Variants in USP6NL observed in about 807,000 individuals in gnomAD.
USP6NL encodes the protein USP6 N-terminal like.
Under a neutral mutation model 61.9 loss-of-function variants are expected in USP6NL, and 26 were observed. That is an observed-to-expected ratio of 0.42 (90% CI 0.31 to 0.58). The LOEUF (loss-of-function observed/expected upper bound fraction) is 0.58, where lower values mean the gene tolerates loss of function less well. Among genes scored for constraint, USP6NL ranks in the 20% least tolerant of loss-of-function variants. USP6NL has a pLI of 0.16. For synonymous variants in USP6NL, 432 were observed against 390.1 expected (o/e 1.11, Z -1.27); for missense variants, 1,114 against 1,034.3 (o/e 1.08, Z -1.06).
At position 11,463,019 on chromosome 10, in the gene USP6NL, C is replaced by CG; in HGVS notation, c.1908dup (p.Val637ArgfsTer23). ...TGTTTGGGAGAGTTTCCGTGGTAAACGGGGGGATTGCTGTAGGAGGGGGGA... is the reference window on the plus strand; with the variant it reads ...TGTTTGGGAGAGTTTCCGTGGTAAACGGGGGGGATTGCTGTAGGAGGGGGGA... On this transcript the variant is annotated frameshift_variant, in exon 15 of 15. Coordinates refer to ENST00000609104, the MANE Select transcript of USP6NL (RefSeq NM_014688.5). LOFTEE classifies it low-confidence loss of function (END_TRUNC). The surrounding 1 kb of genome is among the most constrained non-coding windows in gnomAD (Gnocchi z 6.3). 1.2e-6 allele frequency: 2 copies of CG among 1,613,696 alleles called. No homozygotes were observed. The highest frequency in any genetic ancestry group is 2.2e-5 in the East Asian group (1 of 44,868).
chr10:11,602,017 T>C lies in USP6NL; in HGVS notation c.-83-4300A>G, dbSNP rs1220805973. On this transcript the variant is annotated intron_variant, in intron 1 of 14. Coordinates refer to ENST00000609104, the MANE Select transcript of USP6NL (RefSeq NM_014688.5). The surrounding 1 kb of genome is among the most constrained non-coding windows in gnomAD (Gnocchi z 4.8). ...AGAAAAAAAAAGAAGAAAATGTCCT[T>C]CATTGATGTATTATTTGTAATAGCA... Among the ~76,000 whole-genome samples the C allele has an allele frequency of 6.6e-6, 1 of 152,184 alleles. No homozygotes were observed. The highest frequency in any genetic ancestry group is 6.5e-5 in the Admixed American group (1 of 15,280).
rs1836019095 is a variant in USP6NL, at chr10:11,540,840, T to C, written c.5-13273A>G. 6.6e-6 allele frequency among the ~76,000 whole-genome samples: 1 copy of C among 152,148 alleles called. No homozygotes were observed. The highest frequency in any genetic ancestry group is 2.4e-5 in the African/African-American group (1 of 41,416). ...GCACACAGGAAGAACTATGTTATCA[T>C]CCTTTGAGTTATGTAAGTATTACTG... On this transcript the variant is annotated intron_variant, in intron 2 of 14. Coordinates refer to ENST00000609104, the MANE Select transcript of USP6NL (RefSeq NM_014688.5). This position sits in a 1 kb window ranked among gnomAD's most constrained non-coding sequence, Gnocchi z 5.0.
chr10:11,563,261 G>C (rs1386306793), intron 2 of USP6NL: 1 of 152,158 alleles, frequency 6.6e-6, no homozygotes, highest in East Asian at 1.9e-4. Context: ...CATTGCAAGG[G>C]GTTAGGGAAG....
At chr10:11,544,831 C>T (rs12570831) in intron 2 of USP6NL, among the ~76,000 whole-genome samples, 12,302 of 152,206 alleles carry the variant, frequency 0.081, 553 homozygotes, top group South Asian at 0.17. Flanking sequence ...ACCAACTTCA[C>T]AATGCAGCAA....
chr10:11,560,096 T>C (rs1294565340), intron 2 of USP6NL, among the ~76,000 whole-genome samples: 2 of 152,156 alleles, frequency 1.3e-5, no homozygotes, highest in African/African-American at 4.8e-5. Context: ...TCCATAAAAA[T>C]AAAATAATAA....
chr10:11,465,626 C>A lies in USP6NL; in HGVS notation c.1079-1777G>T, dbSNP rs1832417731. Among the ~76,000 whole-genome samples the A allele has an allele frequency of 6.6e-6, 1 of 152,338 alleles. No individual in the cohort carries two copies. The highest frequency in any genetic ancestry group is 1.5e-5 in the Non-Finnish European group (1 of 68,032). On this transcript the variant is annotated intron_variant, in intron 14 of 14. Transcript: ENST00000609104. The surrounding 1 kb of genome is among the most constrained non-coding windows in gnomAD (Gnocchi z 4.5). ...TGCTGCTGCTGCTACTGCTGCTGTG[C>A]CTGTACGTGCTCTCCCCACACCGTG...
In USP6NL at chr10:11,562,087, T is replaced by C. The variant is rs994349063; in HGVS notation, c.5-34520A>G. Among the ~76,000 whole-genome samples the C allele has an allele frequency of 3.3e-5, 5 of 152,174 alleles. No individual in the cohort carries two copies. The highest frequency in any genetic ancestry group is 2.6e-4 in the Admixed American group (4 of 15,278). ...CGAGGTCAGGAGTTTAAGACCAGCC[T>C]GGCCAACATAGTGAAACTCCGTCTC... is the stretch of plus-strand genomic sequence containing the variant. On this transcript the variant is annotated intron_variant, in intron 2 of 14. Transcript: ENST00000609104. This position sits in a 1 kb window ranked among gnomAD's most constrained non-coding sequence, Gnocchi z 4.8.
intron 2 of USP6NL, among the ~76,000 whole-genome samples, chr10:11,559,169 C>T (rs1247072418): frequency 6.6e-6 from 1 of 151,974 alleles, no homozygotes; most frequent in Non-Finnish European, 1.5e-5. Flanking sequence ...ACTACATATG[C>T]AGTATATATG....
At position 11,476,725 on chromosome 10, in the gene USP6NL, GAC is replaced by G. The variant is rs1376713875; in HGVS notation, c.1078+5043_1078+5044del. On this transcript the variant is annotated intron_variant, in intron 14 of 14. Transcript: ENST00000609104. This position sits in a 1 kb window ranked among gnomAD's most constrained non-coding sequence, Gnocchi z 4.3. ...ATGAAAACCAAAAATTTAAATGGTAGACAGTGTATGTAGATTATAACAATGAT... is the reference window on the plus strand; with the variant it reads ...ATGAAAACCAAAAATTTAAATGGTAGAGTGTATGTAGATTATAACAATGAT... Among the ~76,000 whole-genome samples the G allele has an allele frequency of 1.3e-5, 2 of 152,094 alleles. No homozygotes were observed. Among genetic ancestry groups the G allele is most frequent in the African/African-American group, 2.4e-5 (1 of 41,402 alleles).
At chr10:11,527,402 C>A (rs769509783) in intron 3 of USP6NL, 98 bp downstream of exon 3, 7 of 1,064,768 alleles carry the variant, frequency 6.6e-6, no homozygotes, top group Non-Finnish European at 9.7e-6. Flanking sequence ...GTTAAACAAA[C>A]TGCTTCTGGA....
chr10:11,600,946 C>A lies in USP6NL; in HGVS notation c.-83-3229G>T, dbSNP rs1274644139. ...TCGCACCACTGCACTCCAGCCTGGG[C>A]AACAGAGCAAGACTCTATCTCAAAG... On this transcript the variant is annotated intron_variant, in intron 1 of 14. Transcript: ENST00000609104. This position sits in a 1 kb window ranked among gnomAD's most constrained non-coding sequence, Gnocchi z 4.1. 6.7e-6 allele frequency among the ~76,000 whole-genome samples: 1 copy of A among 150,280 alleles called. No homozygotes were observed.
At chr10:11,580,277 A>G (rs766440199) in intron 2 of USP6NL, among the ~76,000 whole-genome samples, 6 of 152,158 alleles carry the variant, frequency 3.9e-5, no homozygotes, top group Non-Finnish European at 7.4e-5. Context: ...ATTTCTAAAA[A>G]TTTCCTAATT....
rs915214440 is a variant in USP6NL at position 11,496,241 on chromosome 10, C to A, written c.385-3013G>T. Among the ~76,000 whole-genome samples the A allele has an allele frequency of 6.6e-6, 1 of 152,234 alleles. No homozygotes were observed. The highest frequency in any genetic ancestry group is 2.4e-5 in the African/African-American group (1 of 41,462). Reference sequence around the variant, plus strand: ...CACTGAGGGAGCTAAGGAGCTCTAACTGCTTCTGAAACAGACTTTCAACCA... The same window carrying A: ...CACTGAGGGAGCTAAGGAGCTCTAAATGCTTCTGAAACAGACTTTCAACCA... On this transcript the variant is annotated intron_variant, in intron 7 of 14. Coordinates refer to ENST00000609104, the MANE Select transcript of USP6NL (RefSeq NM_014688.5). This position sits in a 1 kb window ranked among gnomAD's most constrained non-coding sequence, Gnocchi z 5.4.
chr10:11,492,508 G>A (rs1833745816), intron 8 of USP6NL, among the ~76,000 whole-genome samples: 1 of 152,246 alleles, frequency 6.6e-6, no homozygotes, highest in Non-Finnish European at 1.5e-5. Flanking sequence ...AGCAGCTTCA[G>A]CTCATCCCCG....
At chr10:11,497,041 T>A (rs896235697) in intron 7 of USP6NL, among the ~76,000 whole-genome samples, 8 of 151,912 alleles carry the variant, frequency 5.3e-5, no homozygotes, top group African/African-American at 1.9e-4. Flanking sequence ...TCAGAAGATA[T>A]TATAAAAATT....
At chr10:11,467,719 G>A (rs950480291) in intron 14 of USP6NL, among the ~76,000 whole-genome samples, 1 of 152,144 alleles carries the variant, frequency 6.6e-6, no homozygotes, top group Non-Finnish European at 1.5e-5. Context: ...CAATACATAT[G>A]TCTACAAAAA....
In USP6NL at chr10:11,532,139, T is replaced by A. The variant is rs1336016270; in HGVS notation, c.5-4572A>T. 7.0e-7 allele frequency: 1 copy of A among 1,434,812 alleles called. No homozygotes were observed. Among genetic ancestry groups the A allele is most frequent in the African/African-American group, 1.4e-5 (1 of 70,184 alleles). The allele number at this position is 1,434,812 out of a possible 1,614,324, so 88.9% of individuals were successfully genotyped here. ...TAGAGTACATTTTGACAGATGAACG[T>A]TAAAAATATAAACAACATCAATTTT... On this transcript the variant is annotated intron_variant, in intron 2 of 14. Transcript: ENST00000609104. The surrounding 1 kb of genome is among the most constrained non-coding windows in gnomAD (Gnocchi z 4.1).
chr10:11,492,331 C>CT (rs1362454850), intron 8 of USP6NL, among the ~76,000 whole-genome samples: 1 of 152,228 alleles, frequency 6.6e-6, no homozygotes, highest in Non-Finnish European at 1.5e-5. Context: ...AAACACTGAT[C>CT]TAGGTGTCAC....
chr10:11,559,668 A>G (rs1034494861), intron 2 of USP6NL, among the ~76,000 whole-genome samples: 9 of 152,226 alleles, frequency 5.9e-5, no homozygotes, highest in Non-Finnish European at 1.5e-5. Flanking sequence ...AAACAATCAC[A>G]AAGTACAACC....
Sources: gnomAD v4.1 joint callset for allele counts (sites outside exome capture counted in the v4.1 genomes callset) on GRCh38, gnomAD v4.1.1 for gene constraint, Gnocchi (gnomAD v3.1) non-coding constraint, MANE v1.5 for transcripts, NCBI Gene and HGNC (gene_info 2026-07-23, HGNC 2026-07-21) for gene names.